DENND10: variants seen among roughly 807,000 people sequenced by gnomAD.
The protein encoded by DENND10 is DENN domain-containing protein 10.
DENND10 carries 24 observed loss-of-function variants against 43.6 expected under a neutral mutation model. The ratio of observed to expected loss-of-function variants is 0.55; its 90% CI spans 0.40 to 0.77. DENND10 has a LOEUF of 0.77. Among genes scored for constraint, DENND10 ranks in the 30% least tolerant of loss-of-function variants. The pLI, the probability that DENND10 is intolerant of heterozygous loss-of-function variation, is 0.00. For synonymous variants in DENND10, 125 were observed against 157.6 expected (o/e 0.79, Z 1.55); for missense variants, 303 against 429.9 (o/e 0.70, Z 2.61).
chr10:119,134,654 GAAGACATGATTTT>G (rs1564803189), intron 8 of DENND10: 1 of 152,014 alleles, frequency 6.6e-6, no homozygotes, highest in Non-Finnish European at 1.5e-5. Flanking sequence ...TGCCTGGCCA[GAAGACATGATTTT>G]AATGAGTGCT....
At chr10:119,131,367 A>T (rs1034883821) in intron 7 of DENND10, among the ~76,000 whole-genome samples, 19 of 152,220 alleles carry the variant, frequency 1.2e-4, no homozygotes, top group African/African-American at 4.6e-4. Context: ...CTGAGGCAGG[A>T]GAATCAGTTG....
chr10:119,124,343 T>C (rs952518200), intron 6 of DENND10, among the ~76,000 whole-genome samples: 24 of 129,552 alleles, frequency 1.9e-4, no homozygotes, highest in African/African-American at 6.5e-4. Flanking sequence ...CTGGCCAACA[T>C]GGGGAAACCG....
chr10:119,113,584 T>TG, intron 3 of DENND10, among the ~76,000 whole-genome samples: 1 of 151,606 alleles, frequency 6.6e-6, no homozygotes, highest in South Asian at 2.1e-4. Flanking sequence ...CAGAGATTTT[T>TG]GGGGGCACTG....
intron 3 of DENND10, among the ~76,000 whole-genome samples, chr10:119,116,925 C>T (rs1845312758): frequency 1.3e-5 from 2 of 151,914 alleles, no homozygotes; most frequent in East Asian, 3.9e-4. Flanking sequence ...GGTGATTCGC[C>T]TGCTTTGCCC....
chr10:119,117,931 C>T (rs1845377246), intron 4 of DENND10, among the ~76,000 whole-genome samples: 1 of 151,730 alleles, frequency 6.6e-6, no homozygotes, highest in African/African-American at 2.4e-5. Flanking sequence ...TGTGCCACTG[C>T]ACTCCGGCCT....
intron 8 of DENND10, chr10:119,133,119 G>A (rs970081256): frequency 3.1e-5 from 5 of 160,906 alleles, no homozygotes; most frequent in South Asian, 1.6e-4. Context: ...GCTGACCAGC[G>A]TCCATGTGGC....
chr10:119,113,500 T>A (rs896564913), intron 3 of DENND10, among the ~76,000 whole-genome samples: 2 of 148,472 alleles, frequency 1.3e-5, no homozygotes, highest in African/African-American at 2.5e-5. Context: ...CCTAGCCCTT[T>A]AAAAAAAAAA....
chr10:119,113,140 C>T (rs1427963262), intron 3 of DENND10, among the ~76,000 whole-genome samples: 2 of 150,808 alleles, frequency 1.3e-5, no homozygotes. Context: ...CGTGAGCCAC[C>T]GCACCCTGCC....
intron 4 of DENND10, among the ~76,000 whole-genome samples, chr10:119,119,516 A>G (rs1845459620): frequency 6.6e-6 from 1 of 152,074 alleles, no homozygotes; most frequent in Non-Finnish European, 1.5e-5. Context: ...ACCTCAGATG[A>G]CCTGCCTGCT....
intron 5 of DENND10, among the ~76,000 whole-genome samples, chr10:119,120,794 T>G (rs920144457): frequency 2.0e-5 from 3 of 152,192 alleles, no homozygotes; most frequent in African/African-American, 7.2e-5. Flanking sequence ...ATGGCTGTGG[T>G]CAATGAAATT....
chr10:119,129,625 T>TTGTTCTC lies in DENND10; in HGVS notation c.802+10_802+16dup. ...TACCATTGCTCCCCTTGCAAAAGGT[T>TTGTTCTC]TGTTCTCTGTTCTGTTCTTGATACA... On this transcript the variant is annotated splice_donor_region_variant and intron_variant, in intron 7 of 8. Coordinates refer to ENST00000361432, the MANE Select transcript of DENND10 (RefSeq NM_207009.4). 4.4e-6 allele frequency: 7 copies of TTGTTCTC among 1,589,000 alleles called. No homozygotes were observed. Among genetic ancestry groups the TTGTTCTC allele is most frequent in the Non-Finnish European group, 6.0e-6 (7 of 1,157,098 alleles).
intron 5 of DENND10, among the ~76,000 whole-genome samples, chr10:119,122,430 A>G (rs1381098177): frequency 2.0e-5 from 3 of 152,242 alleles, no homozygotes; most frequent in Admixed American, 6.6e-5. Flanking sequence ...GATGCTTAAC[A>G]TGTACCTAGC....
At position 119,112,497 on chromosome 10, in the gene DENND10, T is replaced by C. The variant is rs903132715; in HGVS notation, c.332+569T>C. Among the ~76,000 whole-genome samples, 7 of 148,024 alleles carry C rather than the reference T, an allele frequency of 4.7e-5. No homozygotes were observed. In the East Asian group the frequency reaches 5.8e-4, roughly 12 times the overall value. The stretch of plus-strand genomic sequence containing the variant: ...TTTCTTTTTCTTTTTCTTTTTCTTT[T>C]TTTTTTTTTTTTTGAGACAGGGTCT... On this transcript the variant is annotated intron_variant, in intron 3 of 8. Transcript: ENST00000361432.
intron 2 of DENND10, among the ~76,000 whole-genome samples, chr10:119,108,522 T>TTTCATTGG (rs1342102748): frequency 6.6e-6 from 1 of 151,872 alleles, no homozygotes; most frequent in Non-Finnish European, 1.5e-5. Flanking sequence ...TAAATATTAT[T>TTTCATTGG]TTCATTGGGA....
intron 3 of DENND10, among the ~76,000 whole-genome samples, chr10:119,117,017 A>G (rs556374496): frequency 6.6e-6 from 1 of 152,194 alleles, no homozygotes; most frequent in East Asian, 1.9e-4. Context: ...TTAGAGAGAA[A>G]TGATGCTACT....
chr10:119,122,570 T>TC (rs1465389124), intron 5 of DENND10, among the ~76,000 whole-genome samples: 4 of 152,280 alleles, frequency 2.6e-5, no homozygotes, highest in African/African-American at 9.6e-5. Flanking sequence ...CATCACCTTT[T>TC]CCCCCTCTAC....
chr10:119,107,907 C>T (rs1224498437), intron 1 of DENND10, 61 bp from the exon 2 acceptor site: 2 of 1,468,908 alleles, frequency 1.4e-6, no homozygotes, highest in Non-Finnish European at 1.9e-6. Flanking sequence ...TCTGAGTAAC[C>T]AATCAATTCA....
At chr10:119,110,921 A>C (rs1844943841) in intron 2 of DENND10, among the ~76,000 whole-genome samples, 1 of 152,206 alleles carries the variant, frequency 6.6e-6, no homozygotes, top group Non-Finnish European at 1.5e-5. Context: ...AGAATAATCT[A>C]TTAATTTCAA....
chr10:119,128,859 C>T (rs1845951903), intron 6 of DENND10, among the ~76,000 whole-genome samples: 1 of 152,082 alleles, frequency 6.6e-6, no homozygotes, highest in South Asian at 2.1e-4. Flanking sequence ...GAGAACCACA[C>T]TAAGAGGATG....
Sources: allele counts gnomAD v4.1 joint callset (sites outside exome capture counted in the v4.1 genomes callset), GRCh38; gene constraint gnomAD v4.1.1; transcripts MANE v1.5; gene names NCBI Gene and HGNC (gene_info 2026-07-23, HGNC 2026-07-21).